Variants in CACNB2 observed in about 807,000 individuals in gnomAD.
CACNB2 encodes the protein calcium voltage-gated channel auxiliary subunit beta 2.
Under a neutral mutation model 73.3 loss-of-function variants are expected in CACNB2, and 42 were observed. The ratio of observed to expected loss-of-function variants is 0.57; its 90% CI spans 0.45 to 0.74. The LOEUF (loss-of-function observed/expected upper bound fraction) is 0.74. Ranked by LOEUF, CACNB2 falls within the 30% of genes least tolerant of loss-of-function variation. CACNB2 has a pLI of 0.00. For missense variants in CACNB2, 940 were observed against 853.0 expected, an observed-to-expected ratio of 1.10 and a Z score of -1.27; for synonymous variants, 348 against 310.3, an observed-to-expected ratio of 1.12 and a Z score of -1.28.
chr10:18,243,617 C>T (rs1033535193), intron 2 of CACNB2, among the ~76,000 whole-genome samples: 6 of 152,126 alleles, frequency 3.9e-5, no homozygotes, highest in African/African-American at 7.2e-5. Context: ...TGCCCTTCCT[C>T]GGGGATGAGT....
At chr10:18,173,106 G>T (rs1234636394) in intron 2 of CACNB2, among the ~76,000 whole-genome samples, 1 of 151,988 alleles carries the variant, frequency 6.6e-6, no homozygotes, top group Non-Finnish European at 1.5e-5. Context: ...TTTTAGTAGA[G>T]ATGGGGTTTC....
At position 18,162,858 on chromosome 10, in the gene CACNB2, G is replaced by C. The variant is rs144696587; in HGVS notation, c.213+11883G>C. Among the ~76,000 whole-genome samples, 166 of 152,316 alleles carry C rather than the reference G, an allele frequency of 1.1e-3. 1 individual carries two copies. The highest frequency in any genetic ancestry group is 3.8e-3 in the African/African-American group (160 of 41,576). On this transcript the variant is annotated intron_variant, in intron 2 of 13. Coordinates refer to ENST00000324631, the MANE Select transcript of CACNB2 (RefSeq NM_201596.3). ...TTACTCTGAATAGTGAGCATAGATA[G>C]TTTTTGCACACTGATCGCAACATTG...
At chr10:18,536,537 C>T (rs1427421534) in intron 12 of CACNB2, among the ~76,000 whole-genome samples, 1 of 151,876 alleles carries the variant, frequency 6.6e-6, no homozygotes, top group African/African-American at 2.4e-5. Context: ...GCTAGGATTA[C>T]AAGCATGAGC....
In CACNB2 at chr10:18,368,312, T is replaced by C. The variant is rs1589155980; in HGVS notation, c.214-33612T>C. 3.9e-5 allele frequency among the ~76,000 whole-genome samples: 6 copies of C among 152,236 alleles called. No individual in the cohort carries two copies. In the South Asian group the frequency reaches 1.2e-3, roughly 32 times the overall value. On this transcript the variant is annotated intron_variant, in intron 2 of 13. Transcript: ENST00000324631. Reference sequence around the variant, plus strand: ...TTTTTCGCCCTCGGGTCACTGGCAATATGGAAAAAAACTTTCAAAAGAGTA... The same window carrying C: ...TTTTTCGCCCTCGGGTCACTGGCAACATGGAAAAAAACTTTCAAAAGAGTA...
chr10:18,202,243 C>G (rs1206148813), intron 2 of CACNB2, among the ~76,000 whole-genome samples: 1 of 152,092 alleles, frequency 6.6e-6, no homozygotes, highest in Non-Finnish European at 1.5e-5. Context: ...TGGAGATAAC[C>G]CTATTGACTT....
intron 3 of CACNB2, among the ~76,000 whole-genome samples, chr10:18,455,353 A>T (rs909003003): frequency 2.6e-5 from 4 of 152,204 alleles, no homozygotes; most frequent in Non-Finnish European, 5.9e-5. Context: ...TATTAGGTAG[A>T]TGAGTGCTGA....
At chr10:18,227,903 C>G (rs550761928) in intron 2 of CACNB2, among the ~76,000 whole-genome samples, 169 of 152,262 alleles carry the variant, frequency 1.1e-3, no homozygotes, top group Non-Finnish European at 1.8e-3. Flanking sequence ...AAGATAGAGT[C>G]ACTTTTGTCT....
chr10:18,485,798 C>G (rs7090112), intron 3 of CACNB2, among the ~76,000 whole-genome samples: 146,452 of 151,748 alleles, frequency 0.97, 70,689 homozygotes, highest in Middle Eastern at 0.99. Context: ...GGCCAGGCTG[C>G]TCTCGAACTC....
At chr10:18,527,458 C>T (rs552715077) in intron 9 of CACNB2, 130 bp from the exon 10 acceptor site, 36 of 690,726 alleles carry the variant, frequency 5.2e-5, no homozygotes, top group Middle Eastern at 4.9e-4. Flanking sequence ...AGTAAGTATC[C>T]TAACACATAT....
chr10:18,209,972 A>G (rs552164197), intron 2 of CACNB2, among the ~76,000 whole-genome samples: 1 of 152,222 alleles, frequency 6.6e-6, no homozygotes, highest in Non-Finnish European at 1.5e-5. Context: ...TAGGAGAAAG[A>G]AAAGGATGTA....
At position 18,498,431 on chromosome 10, in the gene CACNB2, G is replaced by A. The variant is rs754596850; in HGVS notation, c.410G>A (p.Gly137Asp). ...CATGAAGATGATGTTCCAGTGCCTG[G>A]CATGGCCATCTCATTCGAAGCAAAA... ...AAHEDDVPVPGMAISFEAKDF... is the reference protein window; with the variant it reads ...AAHEDDVPVPDMAISFEAKDF... The change falls in exon 4 of 14, where the codon GGC becomes GAC. Residue 137 changes from glycine (G) to aspartate (D), a missense_variant. Transcript: ENST00000324631. 2.1e-5 allele frequency: 34 copies of A among 1,613,914 alleles called. No homozygotes were observed. Among genetic ancestry groups the A allele is most frequent in the Non-Finnish European group, 2.8e-5 (33 of 1,179,918 alleles).
intron 2 of CACNB2, among the ~76,000 whole-genome samples, chr10:18,317,687 C>T (rs1351925391): frequency 1.3e-5 from 2 of 152,142 alleles, no homozygotes; most frequent in African/African-American, 4.8e-5. Context: ...AACAGTGCTG[C>T]GATGAACATA....
At chr10:18,394,772 TTAA>T (rs759884430) in intron 2 of CACNB2, among the ~76,000 whole-genome samples, 3 of 152,238 alleles carry the variant, frequency 2.0e-5, no homozygotes, top group Non-Finnish European at 4.4e-5. Context: ...ATTATTATCA[TTAA>T]TAAGATGTAT....
chr10:18,466,013 A>G (rs1385556852), intron 3 of CACNB2, among the ~76,000 whole-genome samples: 2 of 152,118 alleles, frequency 1.3e-5, no homozygotes, highest in Non-Finnish European at 2.9e-5. Context: ...GTTACTGAAC[A>G]TTTTGGCACT....
chr10:18,218,673 T>C (rs566318962), intron 2 of CACNB2, among the ~76,000 whole-genome samples: 3 of 151,488 alleles, frequency 2.0e-5, no homozygotes, highest in East Asian at 3.9e-4. Flanking sequence ...ATTGAGACCA[T>C]CCTGGCTAAC....
rs554219886 is a variant in CACNB2, at chr10:18,293,597, T to C, written c.214-108327T>C. 2.0e-5 allele frequency among the ~76,000 whole-genome samples: 3 copies of C among 152,328 alleles called. No homozygotes were observed. The East Asian group carries it at 5.8e-4, about 29-fold the overall frequency. ...TACTTCATACTCAATTATGCTAATA[T>C]TTTTTGAAAAGTTCAAGTTGTTGGC... is the stretch of plus-strand genomic sequence containing the variant. On this transcript the variant is annotated intron_variant, in intron 2 of 13. Transcript: ENST00000324631.
intron 3 of CACNB2, among the ~76,000 whole-genome samples, chr10:18,463,708 G>C (rs573189711): frequency 2.0e-5 from 3 of 152,024 alleles, no homozygotes; most frequent in South Asian, 2.1e-4. Flanking sequence ...CAGGATTAGA[G>C]GTGGGAGCCA....
At chr10:18,301,861 C>T (rs540077165) in intron 2 of CACNB2, among the ~76,000 whole-genome samples, 1 of 151,906 alleles carries the variant, frequency 6.6e-6, no homozygotes, top group African/African-American at 2.4e-5. Flanking sequence ...GTTGGCCAGG[C>T]TGGTCTCGAT....
intron 2 of CACNB2, among the ~76,000 whole-genome samples, chr10:18,348,470 CAGAT>C (rs1284050545): frequency 1.3e-5 from 2 of 151,960 alleles, no homozygotes; most frequent in African/African-American, 2.4e-5. Context: ...GACGGATGGA[CAGAT>C]GGATGGACAG....
Sources: gnomAD v4.1 joint callset for allele counts (sites outside exome capture counted in the v4.1 genomes callset) on GRCh38, gnomAD v4.1.1 for gene constraint, MANE v1.5 for transcripts, NCBI Gene and HGNC (gene_info 2026-07-23, HGNC 2026-07-21) for gene names.